The following PTK2B variants were observed in gnomAD, a reference collection of about 807,000 sequenced individuals.
PTK2B encodes the protein protein tyrosine kinase 2 beta.
PTK2B carries 71 observed loss-of-function variants against 142.9 expected under a neutral mutation model. The observed-to-expected ratio is 0.50, with a 90% CI of 0.41 to 0.61. The LOEUF is 0.61. PTK2B is among the 20% of genes least tolerant of loss of function. The pLI is 0.00. For missense variants in PTK2B, 1,105 were observed against 1,320.4 expected (o/e 0.84, Z 2.53); for synonymous variants, 519 against 503.4 (o/e 1.03, Z -0.42).
At chr8:27,311,577 A>T (rs1002499916) in exon 1 of PTK2B, 1 of 340,604 alleles carries the variant, frequency 2.9e-6, no homozygotes, top group Non-Finnish European at 5.3e-6. Context: ...GTTACTGGAA[A>T]CCTACTTCCG....
intron 27 of PTK2B, 192 bp downstream of exon 27, chr8:27,451,701 GCCTA>G: frequency 3.5e-6 from 5 of 1,435,402 alleles, no homozygotes; most frequent in Non-Finnish European, 4.6e-6. Flanking sequence ...TCCTCTCCCT[GCCTA>G]GCACCCTGCC....
chr8:27,445,887 C>A lies in PTK2B; in HGVS notation c.2308C>A (p.Arg770=), dbSNP rs762400845. ...VNSLHTPPLH[R]HNVFKRHSMR... is the part of the protein sequence containing the mutation. ...CTCACTGCACACCCCACCTCTCCAC[C>A]GGCACAATGTCTTCAAACGCCACAG... Residue 770 remains arginine (R), a synonymous_variant, in exon 24 of 31, where the codon CGG becomes AGG. Coordinates refer to ENST00000346049, the MANE Select transcript of PTK2B (RefSeq NM_173176.3). 1 of 1,614,022 alleles carries A rather than the reference C, an allele frequency of 6.2e-7. No homozygotes were observed. The highest frequency in any genetic ancestry group is 8.5e-7 in the Non-Finnish European group (1 of 1,180,038).
At position 27,419,987 on chromosome 8, in the gene PTK2B, C is replaced by T. The variant is rs1809643263; in HGVS notation, c.297C>T (p.Ser99=). 4.3e-6 allele frequency: 7 copies of T among 1,614,128 alleles called. No individual in the cohort carries two copies. The highest frequency in any genetic ancestry group is 2.2e-5 in the East Asian group (1 of 44,870). The stretch of plus-strand genomic sequence containing the variant: ...GGCTGAGGCTGAAGCACATGAAGTC[C>T]GATGAGATCCACTGGCTGCACCCAC... ...CYGLRLKHMK[S]DEIHWLHPQM... is the part of the protein sequence containing the mutation. Residue 99 remains serine (S), a synonymous_variant, in exon 3 of 31, where the codon TCC becomes TCT. Transcript: ENST00000346049.
At chr8:27,333,112 AT>A (rs1803857631) in intron 1 of PTK2B, among the ~76,000 whole-genome samples, 1 of 152,252 alleles carries the variant, frequency 6.6e-6, no homozygotes, top group South Asian at 2.1e-4. Flanking sequence ...CTCTGAAAGG[AT>A]AGACAGGATA....
At chr8:27,330,647 G>A (rs1803690942) in intron 1 of PTK2B, among the ~76,000 whole-genome samples, 1 of 152,146 alleles carries the variant, frequency 6.6e-6, no homozygotes, top group African/African-American at 2.4e-5. Flanking sequence ...AGGGGGAGGG[G>A]ATAGCTTTTT....
intron 1 of PTK2B, among the ~76,000 whole-genome samples, chr8:27,393,055 A>G (rs1807821683): frequency 6.6e-6 from 1 of 152,198 alleles, no homozygotes; most frequent in Non-Finnish European, 1.5e-5. Flanking sequence ...CTTCCAAGGC[A>G]GCTGGGGAAG....
chr8:27,358,481 C>T (rs1240200077), intron 1 of PTK2B, among the ~76,000 whole-genome samples: 1 of 152,066 alleles, frequency 6.6e-6, no homozygotes, highest in Non-Finnish European at 1.5e-5. Context: ...TTTTATATAT[C>T]AATATCAACT....
chr8:27,346,009 T>C (rs1274976316), intron 1 of PTK2B, among the ~76,000 whole-genome samples: 1 of 152,170 alleles, frequency 6.6e-6, no homozygotes, highest in South Asian at 2.1e-4. Context: ...AAAAGATTCA[T>C]GTCTCACCCC....
intron 5 of PTK2B, 139 bp downstream of exon 5, chr8:27,422,522 T>C: frequency 1.3e-6 from 1 of 756,732 alleles, no homozygotes. Flanking sequence ...CGGCAGCAGG[T>C]GAGGCTCTGA....
At chr8:27,350,001 G>A (rs1265117042) in intron 1 of PTK2B, among the ~76,000 whole-genome samples, 1 of 152,196 alleles carries the variant, frequency 6.6e-6, no homozygotes, top group Non-Finnish European at 1.5e-5. Flanking sequence ...CAAGACTTCA[G>A]CCCAGTAACA....
rs1358041424 is a variant in PTK2B at position 27,350,991 on chromosome 8, ATATATATAT to A, written c.-38+25311_-38+25319del. Among the ~76,000 whole-genome samples, 24 of 23,058 alleles carry A rather than the reference ATATATATAT, an allele frequency of 1.0e-3. 4 individuals carry two copies. Among genetic ancestry groups the A allele is most frequent in the Admixed American group, 1.9e-3 (3 of 1,544 alleles). 15.1% of individuals were successfully genotyped at this position (23,058 alleles called of 152,430 possible). A position where few individuals can be genotyped will look rare whatever the true frequency, so the allele number is the denominator to read the frequency against. On this transcript the variant is annotated intron_variant, in intron 1 of 30. Transcript: ENST00000346049. ...TCTCCGTCTCAAAAAAAAAAAAAAAATATATATATATATATATATATATATATATATATA... is the reference window on the plus strand; with the variant it reads ...TCTCCGTCTCAAAAAAAAAAAAAAAAATATATATATATATATATATATATA...
intron 21 of PTK2B, 145 bp from the exon 22 acceptor site, chr8:27,442,730 C>T: frequency 1.6e-6 from 1 of 637,856 alleles, no homozygotes; most frequent in Non-Finnish European, 2.7e-6. Context: ...CTCCCCAGGA[C>T]ACTCTGCAGT....
At chr8:27,411,890 G>A (rs1809086371) in intron 2 of PTK2B, among the ~76,000 whole-genome samples, 1 of 152,166 alleles carries the variant, frequency 6.6e-6, no homozygotes, top group Admixed American at 6.5e-5. Context: ...CTACAAGTTT[G>A]GGGGTTTCTG....
chr8:27,391,423 C>T (rs1807719151), intron 1 of PTK2B, among the ~76,000 whole-genome samples: 1 of 152,196 alleles, frequency 6.6e-6, no homozygotes, highest in African/African-American at 2.4e-5. Context: ...GTCCTCAAGA[C>T]CATGCATTTT....
chr8:27,379,686 C>G lies in PTK2B; in HGVS notation c.-37-17862C>G, dbSNP rs1806893747. Among the ~76,000 whole-genome samples, 3 of 152,320 alleles carry G rather than the reference C, an allele frequency of 2.0e-5. No individual in the cohort carries two copies. In the South Asian group the frequency reaches 6.2e-4, roughly 32 times the overall value. On this transcript the variant is annotated intron_variant, in intron 1 of 30. Coordinates refer to ENST00000346049, the MANE Select transcript of PTK2B (RefSeq NM_173176.3). ...AGTCTCCTCATTACTTACCTTTTAG[C>G]ACATGCAAGTTAATTTACGAGTGAG...
intron 1 of PTK2B, among the ~76,000 whole-genome samples, chr8:27,381,256 T>G (rs1807000979): frequency 6.6e-6 from 1 of 152,196 alleles, no homozygotes; most frequent in Non-Finnish European, 1.5e-5. Context: ...CTAGTCACCC[T>G]ACAGAGCTAC....
At chr8:27,359,408 A>G (rs903455580) in intron 1 of PTK2B, among the ~76,000 whole-genome samples, 1 of 152,112 alleles carries the variant, frequency 6.6e-6, no homozygotes, top group Non-Finnish European at 1.5e-5. Flanking sequence ...GAGCCACTGC[A>G]CCTGGCCTTG....
intron 1 of PTK2B, among the ~76,000 whole-genome samples, chr8:27,347,592 G>T (rs1234009592): frequency 2.0e-5 from 3 of 152,088 alleles, no homozygotes; most frequent in African/African-American, 7.2e-5. Context: ...TCATCCCTCT[G>T]TGTGTGTCTG....
At chr8:27,384,999 A>C (rs554750706) in intron 1 of PTK2B, among the ~76,000 whole-genome samples, 2 of 152,170 alleles carry the variant, frequency 1.3e-5, no homozygotes, top group African/African-American at 4.8e-5. Context: ...TCATCACTGC[A>C]GGGCATAGCG....
Sources: allele counts gnomAD v4.1 joint callset (sites outside exome capture counted in the v4.1 genomes callset), GRCh38; gene constraint gnomAD v4.1.1; transcripts MANE v1.5; gene names NCBI Gene and HGNC (gene_info 2026-07-23, HGNC 2026-07-21).